The following SPIDR variants were observed in gnomAD, a reference collection of about 807,000 sequenced individuals.
SPIDR encodes the protein DNA repair-scaffolding protein.
Under a neutral mutation model 104.6 loss-of-function variants are expected in SPIDR, and 93 were observed. The observed-to-expected ratio is 0.89, with a 90% CI of 0.75 to 1.06. SPIDR has a LOEUF of 1.06. Among genes scored for constraint, SPIDR ranks in the 50% least tolerant of loss-of-function variants. The pLI, the probability that SPIDR is intolerant of heterozygous loss-of-function variation, is 0.00. For synonymous variants in SPIDR, 431 were observed against 416.9 expected (o/e 1.03, Z -0.41); for missense variants, 1,154 against 1,111.2 (o/e 1.04, Z -0.55).
chr8:47,341,789 G>T (rs1554614217), intron 5 of SPIDR, among the ~76,000 whole-genome samples: 1 of 152,110 alleles, frequency 6.6e-6, no homozygotes, highest in Non-Finnish European at 1.5e-5. Flanking sequence ...AGATTCCTTT[G>T]CTAGACCTTT....
At chr8:47,713,076 G>C in intron 15 of SPIDR, 1 of 1,317,400 alleles carries the variant, frequency 7.6e-7, no homozygotes, top group African/African-American at 1.5e-5. Flanking sequence ...CCATGGAGAT[G>C]CTGTGCTCAC....
intron 10 of SPIDR, among the ~76,000 whole-genome samples, chr8:47,666,225 T>C (rs965526592): frequency 2.6e-5 from 4 of 152,204 alleles, no homozygotes; most frequent in African/African-American, 9.6e-5. Flanking sequence ...AGTTCCTCAG[T>C]CACATCAGCC....
chr8:47,289,697 C>G (rs1586408857), intron 3 of SPIDR, among the ~76,000 whole-genome samples: 1 of 152,314 alleles, frequency 6.6e-6, no homozygotes, highest in East Asian at 1.9e-4. Flanking sequence ...GGAGAACAGT[C>G]TGGCAGTTTC....
chr8:47,588,490 G>A (rs1817860151), intron 8 of SPIDR, among the ~76,000 whole-genome samples: 1 of 151,906 alleles, frequency 6.6e-6, no homozygotes, highest in South Asian at 2.1e-4. Context: ...GCCATTTCCT[G>A]TGTAAGCAAT....
At chr8:47,691,235 G>A (rs537756985) in intron 11 of SPIDR, among the ~76,000 whole-genome samples, 1 of 145,878 alleles carries the variant, frequency 6.9e-6, no homozygotes, top group African/African-American at 2.5e-5. Context: ...AGGTTGTGGT[G>A]AGCCAAGATT....
intron 4 of SPIDR, 126 bp from the exon 5 acceptor site, chr8:47,293,741 C>T (rs2040350523): frequency 7.5e-6 from 8 of 1,071,324 alleles, no homozygotes; most frequent in Non-Finnish European, 1.0e-5. Context: ...AGCTATTGTG[C>T]CTGGCCCTAA....
At chr8:47,487,024 C>A (rs1278419942) in intron 8 of SPIDR, among the ~76,000 whole-genome samples, 8 of 152,122 alleles carry the variant, frequency 5.3e-5, no homozygotes, top group Non-Finnish European at 5.9e-5. Flanking sequence ...TGTAAATGGG[C>A]TAAATGCTCC....
At chr8:47,337,934 G>A (rs73582865) in intron 5 of SPIDR, among the ~76,000 whole-genome samples, 2 of 152,062 alleles carry the variant, frequency 1.3e-5, no homozygotes, top group Admixed American at 6.6e-5. Flanking sequence ...AGTTCCATTG[G>A]TCTATATGTC....
At chr8:47,604,403 G>T (rs2062689957) in intron 10 of SPIDR, among the ~76,000 whole-genome samples, 1 of 152,196 alleles carries the variant, frequency 6.6e-6, no homozygotes, top group Non-Finnish European at 1.5e-5. Flanking sequence ...GTTTGCTGTG[G>T]CTGCCCACTG....
chr8:47,387,342 G>A (rs1056789248), intron 5 of SPIDR, among the ~76,000 whole-genome samples: 5 of 152,132 alleles, frequency 3.3e-5, no homozygotes, highest in Non-Finnish European at 4.4e-5. Flanking sequence ...TTGTTTATAG[G>A]ATCTTAAGAG....
chr8:47,408,330 A>T (rs1473844941), intron 7 of SPIDR, among the ~76,000 whole-genome samples: 1 of 152,106 alleles, frequency 6.6e-6, no homozygotes, highest in Non-Finnish European at 1.5e-5. Context: ...GTAGTGACAT[A>T]ATCATGTAGC....
chr8:47,481,732 A>T (rs1196423653), intron 8 of SPIDR, among the ~76,000 whole-genome samples: 1 of 152,236 alleles, frequency 6.6e-6, no homozygotes, highest in Non-Finnish European at 1.5e-5. Context: ...CATGTGAGTG[A>T]CCAAGCTGAT....
intron 15 of SPIDR, 125 bp from the exon 16 acceptor site, chr8:47,713,364 T>C: frequency 7.3e-7 from 1 of 1,365,726 alleles, no homozygotes; most frequent in Non-Finnish European, 1.0e-6. Context: ...AACGTGCTGC[T>C]GGACACAGTC....
At chr8:47,340,347 G>GT (rs1205129699) in intron 5 of SPIDR, among the ~76,000 whole-genome samples, 1 of 152,116 alleles carries the variant, frequency 6.6e-6, no homozygotes, top group African/African-American at 2.4e-5. Context: ...GCTCATGCTT[G>GT]TAATCCCAGC....
At chr8:47,415,755 C>T (rs192719601) in intron 7 of SPIDR, among the ~76,000 whole-genome samples, 18 of 152,122 alleles carry the variant, frequency 1.2e-4, no homozygotes, top group Admixed American at 7.9e-4. Flanking sequence ...TCTGTTGCTT[C>T]GAAGCCACAC....
At chr8:47,596,686 C>G (rs919838202) in intron 9 of SPIDR, among the ~76,000 whole-genome samples, 3 of 152,006 alleles carry the variant, frequency 2.0e-5, no homozygotes, top group Non-Finnish European at 4.4e-5. Context: ...ATAAGTTAAC[C>G]TTAATTTACT....
At chr8:47,355,573 A>G (rs577205563) in intron 5 of SPIDR, among the ~76,000 whole-genome samples, 38 of 152,334 alleles carry the variant, frequency 2.5e-4, no homozygotes, top group African/African-American at 8.9e-4. Flanking sequence ...TCACAAGCAT[A>G]TGTTTTTACA....
At chr8:47,583,143 A>G (rs1484556040) in intron 8 of SPIDR, among the ~76,000 whole-genome samples, 2 of 43,578 alleles carry the variant, frequency 4.6e-5, no homozygotes, top group African/African-American at 7.4e-5. Context: ...CTAAAAATAC[A>G]AAAAAAAAAA....
intron 8 of SPIDR, among the ~76,000 whole-genome samples, chr8:47,457,301 T>G (rs1554710405): frequency 6.6e-6 from 1 of 152,210 alleles, no homozygotes; most frequent in African/African-American, 2.4e-5. Context: ...TGGCCATTCT[T>G]GCAGGAAGTA....
Sources: gnomAD v4.1 joint callset for allele counts (sites outside exome capture counted in the v4.1 genomes callset) on GRCh38, gnomAD v4.1.1 for gene constraint, MANE v1.5 for transcripts, NCBI Gene and HGNC (gene_info 2026-07-23, HGNC 2026-07-21) for gene names.